NAT10: variants seen among roughly 807,000 people sequenced by gnomAD.
The protein encoded by NAT10 is RNA cytidine acetyltransferase.
NAT10 carries 109 observed loss-of-function variants against 132.2 expected under a neutral mutation model. That is an observed-to-expected ratio of 0.82 (90% confidence interval 0.71 to 0.97). The LOEUF is 0.97. Among genes scored for constraint, NAT10 ranks in the 50% least tolerant of loss-of-function variants. The pLI is 0.00. For missense variants in NAT10, 1,184 were observed against 1,263.4 expected, an observed-to-expected ratio of 0.94 and a Z score of 0.95; for synonymous variants, 479 against 478.0, an observed-to-expected ratio of 1.00 and a Z score of -0.03.
chr11:34,131,335 A>G, intron 13 of NAT10, 46 bp from the exon 14 acceptor site: 1 of 1,570,798 alleles, frequency 6.4e-7, no homozygotes, highest in Non-Finnish European at 8.7e-7. Flanking sequence ...GACAATACAT[A>G]TTTAATCATT....
chr11:34,118,564 A>G, intron 8 of NAT10, 61 bp downstream of exon 8: 3 of 1,400,560 alleles, frequency 2.1e-6, no homozygotes, highest in Non-Finnish European at 2.9e-6. Context: ...ACGGAGCGTA[A>G]CAGAAGCCAA....
intron 9 of NAT10, 146 bp downstream of exon 9, chr11:34,122,738 C>G: frequency 2.6e-6 from 3 of 1,145,416 alleles, no homozygotes; most frequent in Non-Finnish European, 3.7e-6. Context: ...TCTTGATTTC[C>G]TGCCAGGAAA....
chr11:34,141,321 T>G (rs1317219200), intron 25 of NAT10, 113 bp downstream of exon 25: 47 of 1,212,022 alleles, frequency 3.9e-5, no homozygotes, highest in Non-Finnish European at 5.3e-5. Context: ...CTGCATCTCG[T>G]CACACACACA....
chr11:34,131,342 C>A, intron 13 of NAT10, 39 bp from the exon 14 acceptor site: 1 of 1,571,882 alleles, frequency 6.4e-7, no homozygotes, highest in Non-Finnish European at 8.7e-7. Flanking sequence ...CATATTTAAT[C>A]ATTGTTTCTT....
At chr11:34,120,143 G>GTTTTTTTT (rs771235436) in intron 8 of NAT10, among the ~76,000 whole-genome samples, 4 of 94,152 alleles carry the variant, frequency 4.2e-5, no homozygotes, top group Non-Finnish European at 7.7e-5. Flanking sequence ...GTTGCTGTTG[G>GTTTTTTTT]TTTTTTTTTT....
chr11:34,133,444 A>G lies in NAT10; in HGVS notation c.1734+302A>G, dbSNP rs548485335. 2.0e-5 allele frequency among the ~76,000 whole-genome samples: 3 copies of G among 152,334 alleles called. No homozygotes were observed. In the South Asian group the frequency reaches 6.2e-4, roughly 32 times the overall value. On this transcript the variant is annotated intron_variant, in intron 16 of 28. Transcript: ENST00000257829. ...TTTCTCCCTTTATTACAAAAGCAAT[A>G]CATGGTGCATTTTGAATTAGAGGCT...
At chr11:34,129,381 T>C (rs1217188097) in intron 12 of NAT10, among the ~76,000 whole-genome samples, 2 of 152,200 alleles carry the variant, frequency 1.3e-5, no homozygotes, top group African/African-American at 4.8e-5. Flanking sequence ...TGGTGACTAA[T>C]GATATTAGCA....
intron 13 of NAT10, 86 bp from the exon 14 acceptor site, chr11:34,131,295 T>A: frequency 6.6e-7 from 1 of 1,507,722 alleles, no homozygotes; most frequent in Non-Finnish European, 8.9e-7. Flanking sequence ...GGGACAAATA[T>A]AAAGTGAAAC....
intron 22 of NAT10, 23 bp from the exon 23 acceptor site, chr11:34,139,362 C>T (rs1378617378): frequency 1.2e-6 from 2 of 1,612,720 alleles, no homozygotes; most frequent in Non-Finnish European, 1.7e-6. Flanking sequence ...AGACCTCTAA[C>T]TCTGCGTGAT....
At chr11:34,132,935 A>T in intron 15 of NAT10, 91 bp from the exon 16 acceptor site, 1 of 984,032 alleles carries the variant, frequency 1.0e-6, no homozygotes, top group Non-Finnish European at 1.6e-6. Context: ...AGAAGGCCAT[A>T]CTGCAGTCAT....
At chr11:34,137,826 TCA>T (rs1769198216) in intron 21 of NAT10, among the ~76,000 whole-genome samples, 1 of 152,280 alleles carries the variant, frequency 6.6e-6, no homozygotes, top group African/African-American at 2.4e-5. Flanking sequence ...GGGTGTGGTG[TCA>T]CACGTCAAGG....
At chr11:34,128,692 C>A (rs1004184887) in intron 12 of NAT10, among the ~76,000 whole-genome samples, 1 of 152,198 alleles carries the variant, frequency 6.6e-6, no homozygotes, top group Non-Finnish European at 1.5e-5. Context: ...TGAGATATAA[C>A]TCACATACTG....
At chr11:34,121,995 G>A (rs1457540863) in intron 8 of NAT10, among the ~76,000 whole-genome samples, 1 of 151,918 alleles carries the variant, frequency 6.6e-6, no homozygotes, top group East Asian at 1.9e-4. Context: ...GCCCAACATG[G>A]TGAAACCCTG....
rs965728784 is a variant in NAT10, at chr11:34,112,357, T to A, written c.372+134T>A. 2.6e-5 allele frequency: 28 copies of A among 1,059,832 alleles called. No individual in the cohort carries two copies. In the Admixed American group the frequency reaches 3.2e-4, roughly 12 times the overall value. 65.7% of individuals were successfully genotyped at this position (1,059,832 alleles called of 1,614,324 possible). ...GTTCCCTATGCCCAAGCATTATTAGTGGAAGTCCTGGCCACTTTCCAAAGT... is the reference window on the plus strand; with the variant it reads ...GTTCCCTATGCCCAAGCATTATTAGAGGAAGTCCTGGCCACTTTCCAAAGT... On this transcript the variant is annotated intron_variant, in intron 4 of 28. Transcript: ENST00000257829.
chr11:34,120,152 T>TG (rs1590765878), intron 8 of NAT10, among the ~76,000 whole-genome samples: 2 of 149,334 alleles, frequency 1.3e-5, no homozygotes, highest in South Asian at 4.3e-4. Flanking sequence ...GGTTTTTTTT[T>TG]TTTTTTTTTT....
intron 8 of NAT10, among the ~76,000 whole-genome samples, chr11:34,120,198 T>A (rs1350557291): frequency 1.3e-5 from 2 of 151,606 alleles, no homozygotes; most frequent in Non-Finnish European, 2.9e-5. Flanking sequence ...CTGCCCACTT[T>A]TTACTTGGAT....
rs1851642999 is a variant in NAT10 at position 34,108,844 on chromosome 11, C to T, written c.200+11C>T. On this transcript the variant is annotated intron_variant, in intron 3 of 28. Coordinates refer to ENST00000257829, the MANE Select transcript of NAT10 (RefSeq NM_024662.3). ...GCTGGGGTTTAGCAGGTAAGCTGGG[C>T]TCTTCATGTGTTTTATCCAACTTAC... 6.2e-7 allele frequency: 1 copy of T among 1,604,820 alleles called. No homozygotes were observed. The highest frequency in any genetic ancestry group is 1.1e-5 in the South Asian group (1 of 89,406).
chr11:34,125,181 T>A lies in NAT10; in HGVS notation c.1107+781T>A, dbSNP rs535367782. On this transcript the variant is annotated intron_variant, in intron 11 of 28. Transcript: ENST00000257829. Reference sequence around the variant, plus strand: ...TTATGCCTTTCACCTTAATTTTTTCTTACTAGCCTCTTTCTAGAATCTCTT... The same window carrying A: ...TTATGCCTTTCACCTTAATTTTTTCATACTAGCCTCTTTCTAGAATCTCTT... Among the ~76,000 whole-genome samples the A allele has an allele frequency of 2.5e-4, 38 of 152,356 alleles. No individual in the cohort carries two copies. In the South Asian group the frequency reaches 7.5e-3, roughly 30 times the overall value.
rs759824393 is a variant in NAT10 at position 34,141,748 on chromosome 11, TGAG to T, written c.2746_2748del (p.Glu916del). The T allele has an allele frequency of 2.7e-5, 43 of 1,614,006 alleles. No individual in the cohort carries two copies. Among genetic ancestry groups the T allele is most frequent in the Middle Eastern group, 1.7e-4 (1 of 6,050 alleles). On this transcript the variant is annotated inframe_deletion, in exon 26 of 29. Coordinates refer to ENST00000257829, the MANE Select transcript of NAT10 (RefSeq NM_024662.3). ...TTAATGAAGTTCAGGAAAAGGCCAT[TGAG>T]GAGCAGATGGTGGCAGCGAAGGATG...
Sources: allele counts gnomAD v4.1 joint callset (sites outside exome capture counted in the v4.1 genomes callset), GRCh38; gene constraint gnomAD v4.1.1; transcripts MANE v1.5; gene names NCBI Gene and HGNC (gene_info 2026-07-23, HGNC 2026-07-21).